Variants in GALNT13 observed in about 807,000 individuals in gnomAD.
The protein encoded by GALNT13 is UDP-GalNAc:polypeptide N-acetylgalactosaminyltransferase 13.
A neutral mutation model predicts 64.2 loss-of-function variants in GALNT13; 28 were observed. The observed-to-expected ratio is 0.44, with a 90% CI of 0.32 to 0.60. The LOEUF is 0.60. Ranked by LOEUF, GALNT13 falls within the 20% of genes least tolerant of loss-of-function variation. The pLI, the probability that GALNT13 is intolerant of heterozygous loss-of-function variation, is 0.05. For missense variants in GALNT13, 577 were observed against 669.8 expected (o/e 0.86, Z 1.53); for synonymous variants, 214 against 224.6 (o/e 0.95, Z 0.42).
At chr2:154,176,114 G>A (rs2105715348) in intron 4 of GALNT13, among the ~76,000 whole-genome samples, 1 of 152,080 alleles carries the variant, frequency 6.6e-6, no homozygotes, top group Middle Eastern at 3.4e-3. Flanking sequence ...TATACACACA[G>A]ACACAAAAGA....
At chr2:154,148,695 CA>C (rs1469723644) in intron 4 of GALNT13, among the ~76,000 whole-genome samples, 2 of 152,142 alleles carry the variant, frequency 1.3e-5, no homozygotes, top group Non-Finnish European at 2.9e-5. Context: ...AGCATTTTTT[CA>C]TGTGTCTTTT....
At chr2:153,648,124 T>A in the GALNT13 span, among the ~76,000 whole-genome samples, 1 of 152,186 alleles carries the variant, frequency 6.6e-6, no homozygotes, top group Non-Finnish European at 1.5e-5. Flanking sequence ...CATTTGTTTG[T>A]GTCCTCTTTT....
At chr2:153,118,815 G>T in the GALNT13 span, among the ~76,000 whole-genome samples, 7 of 152,112 alleles carry the variant, frequency 4.6e-5, no homozygotes, top group Non-Finnish European at 7.4e-5. Flanking sequence ...TATTATAGGT[G>T]AGAAGACATT....
At chr2:153,123,853 G>C in the GALNT13 span, among the ~76,000 whole-genome samples, 3 of 152,266 alleles carry the variant, frequency 2.0e-5, no homozygotes, top group East Asian at 5.8e-4. Flanking sequence ...TGTTCTTAAT[G>C]ATTCTCACCT....
At chr2:153,726,326 G>T in the GALNT13 span, among the ~76,000 whole-genome samples, 1 of 151,986 alleles carries the variant, frequency 6.6e-6, no homozygotes, top group Non-Finnish European at 1.5e-5. Flanking sequence ...GATGTGACTC[G>T]TGTCTTTTTT....
At chr2:154,262,980 C>A (rs1690781460) in intron 8 of GALNT13, among the ~76,000 whole-genome samples, 1 of 152,076 alleles carries the variant, frequency 6.6e-6, no homozygotes, top group Non-Finnish European at 1.5e-5. Context: ...GCATCACCAC[C>A]AAAAGTCCTT....
chr2:153,246,250 C>T, the GALNT13 span, among the ~76,000 whole-genome samples: 1 of 152,092 alleles, frequency 6.6e-6, no homozygotes, highest in Non-Finnish European at 1.5e-5. Context: ...GGAGAACTTC[C>T]CCAACCTAGC....
chr2:153,944,517 G>A lies in GALNT13; in HGVS notation c.20G>A (p.Cys7Tyr), dbSNP rs755543535. Reference protein sequence around the residue: MRRFVYCKVVLATSLMW... With the variant: MRRFVYYKVVLATSLMW... Reference sequence around the variant, plus strand: ...AAAGACATGAGGAGATTTGTCTACTGCAAGGTGGTTCTAGCCACTTCGCTG... The same window carrying A: ...AAAGACATGAGGAGATTTGTCTACTACAAGGTGGTTCTAGCCACTTCGCTG... The change falls in exon 3 of 13, where the codon TGC becomes TAC. Residue 7 changes from cysteine to tyrosine, a missense_variant. This residue lies in a region of GALNT13 where 341 missense variants were observed against 379.3 expected (regional missense o/e 0.90). Transcript: ENST00000392825. The A allele has an allele frequency of 1.2e-6, 2 of 1,613,414 alleles. No individual in the cohort carries two copies. Among genetic ancestry groups the A allele is most frequent in the Admixed American group, 1.7e-5 (1 of 59,932 alleles).
intron 1 of GALNT13, among the ~76,000 whole-genome samples, chr2:153,891,446 A>G (rs1171340036): frequency 6.6e-6 from 1 of 152,016 alleles, no homozygotes; most frequent in Non-Finnish European, 1.5e-5. Flanking sequence ...TTGGTATTTG[A>G]AATCACAACG....
chr2:154,013,564 C>G (rs1047409327), intron 3 of GALNT13, among the ~76,000 whole-genome samples: 6 of 152,060 alleles, frequency 3.9e-5, no homozygotes, highest in Non-Finnish European at 8.8e-5. Flanking sequence ...GGCGGGCACA[C>G]CGGTGTACAC....
the GALNT13 span, among the ~76,000 whole-genome samples, chr2:153,308,927 A>AT: frequency 1.9e-3 from 286 of 152,060 alleles, 1 homozygote; most frequent in African/African-American, 6.7e-3. Flanking sequence ...GAGAAAAAAA[A>AT]TTTTTTTTAG....
chr2:153,539,391 G>A, the GALNT13 span, among the ~76,000 whole-genome samples: 1 of 151,966 alleles, frequency 6.6e-6, no homozygotes, highest in Non-Finnish European at 1.5e-5. Flanking sequence ...AAGCTCTTTA[G>A]TTTAATTAGA....
chr2:153,866,728 C>A, the GALNT13 span, among the ~76,000 whole-genome samples: 1 of 152,074 alleles, frequency 6.6e-6, no homozygotes. Context: ...TGAGATATTG[C>A]TTTCATAAAG....
At chr2:153,388,572 C>T in the GALNT13 span, among the ~76,000 whole-genome samples, 3 of 152,042 alleles carry the variant, frequency 2.0e-5, no homozygotes, top group African/African-American at 7.2e-5. Flanking sequence ...TAGCAACCTA[C>T]TAAAAAGGAT....
chr2:154,084,901 A>T (rs1482761290), intron 3 of GALNT13, among the ~76,000 whole-genome samples: 1 of 151,946 alleles, frequency 6.6e-6, no homozygotes, highest in Non-Finnish European at 1.5e-5. Context: ...AAATTTCTAT[A>T]TTCTCTTTCA....
At chr2:153,524,962 A>G in the GALNT13 span, among the ~76,000 whole-genome samples, 1 of 152,168 alleles carries the variant, frequency 6.6e-6, no homozygotes, top group South Asian at 2.1e-4. Context: ...ATCGCAGGCT[A>G]TACAGCTCAC....
chr2:154,092,723 A>G (rs999802454), intron 3 of GALNT13, among the ~76,000 whole-genome samples: 14 of 152,094 alleles, frequency 9.2e-5, no homozygotes, highest in Admixed American at 6.6e-4. Flanking sequence ...TTACTCCATC[A>G]TCATCATGAA....
chr2:153,946,246 A>C (rs567113396), intron 3 of GALNT13, among the ~76,000 whole-genome samples: 1 of 152,288 alleles, frequency 6.6e-6, no homozygotes, highest in South Asian at 2.1e-4. Flanking sequence ...AATCTGATTC[A>C]GCAAAACTTT....
chr2:153,527,288 A>G, the GALNT13 span, among the ~76,000 whole-genome samples: 1 of 152,240 alleles, frequency 6.6e-6, no homozygotes, highest in Non-Finnish European at 1.5e-5. Context: ...TCCTAAAAGC[A>G]GCAAGAGAAA....
Sources: allele counts gnomAD v4.1 joint callset (sites outside exome capture counted in the v4.1 genomes callset), GRCh38; gene constraint gnomAD v4.1.1; regional missense constraint gnomAD v4.1.1; transcripts MANE v1.5; gene names NCBI Gene and HGNC (gene_info 2026-07-23, HGNC 2026-07-21).